The following ANAPC16 variants were observed in gnomAD, a reference collection of about 807,000 sequenced individuals.
ANAPC16 encodes anaphase promoting complex subunit 16.
A neutral mutation model predicts 13.1 loss-of-function variants in ANAPC16; 6 were observed. The ratio of observed to expected loss-of-function variants is 0.46; its 90% confidence interval spans 0.25 to 0.90. The LOEUF is 0.90. Among genes scored for constraint, ANAPC16 ranks in the 40% least tolerant of loss-of-function variants. The pLI, the probability that ANAPC16 is intolerant of heterozygous loss-of-function variation, is 0.18. For synonymous variants in ANAPC16, 55 were observed against 51.3 expected (o/e 1.07, Z -0.31); for missense variants, 113 against 131.1 (o/e 0.86, Z 0.67).
At chr10:72,232,492 C>T (rs1429612655) in intron 3 of ANAPC16, among the ~76,000 whole-genome samples, 3 of 149,778 alleles carry the variant, frequency 2.0e-5, no homozygotes, top group African/African-American at 7.4e-5. Flanking sequence ...TTCAGTGAGC[C>T]GAGATCGCGC....
intron 1 of ANAPC16, 194 bp from the exon 2 acceptor site, chr10:72,223,694 G>A (rs1279059809): frequency 1.2e-5 from 5 of 413,882 alleles, no homozygotes; most frequent in Non-Finnish European, 2.2e-5. Flanking sequence ...CTATTCTTAA[G>A]CATATTTTCA....
intron 1 of ANAPC16, chr10:72,217,100 C>T (rs1471879393): frequency 2.2e-6 from 1 of 453,528 alleles, no homozygotes; most frequent in South Asian, 1.6e-5. Context: ...GGAAACACTG[C>T]CCCAGGTTCT....
At chr10:72,223,615 A>G (rs1042404655) in intron 1 of ANAPC16, 15 of 237,546 alleles carry the variant, frequency 6.3e-5, no homozygotes, top group Non-Finnish European at 1.1e-4. Flanking sequence ...CTCATAAATC[A>G]CCCACAGTCA....
chr10:72,216,917 A>G (rs1035622591), intron 1 of ANAPC16: 3 of 456,172 alleles, frequency 6.6e-6, no homozygotes, highest in African/African-American at 4.0e-5. Flanking sequence ...GGTTGAAGAT[A>G]GAGTTGTGCG....
chr10:72,227,505 C>A (rs144886230), intron 2 of ANAPC16, among the ~76,000 whole-genome samples: 1 of 151,912 alleles, frequency 6.6e-6, no homozygotes, highest in East Asian at 1.9e-4. Context: ...AATCTAAAAT[C>A]TTAAGAATAT....
chr10:72,228,084 T>G (rs533474609), intron 2 of ANAPC16, among the ~76,000 whole-genome samples: 4 of 150,508 alleles, frequency 2.7e-5, no homozygotes, highest in South Asian at 2.1e-4. Flanking sequence ...CTGTCAAGAG[T>G]AAGGAACAAA....
intron 2 of ANAPC16, among the ~76,000 whole-genome samples, chr10:72,225,176 G>A (rs762812095): frequency 2.0e-5 from 3 of 152,030 alleles, no homozygotes; most frequent in Non-Finnish European, 2.9e-5. Context: ...CCAGCTAATC[G>A]GGAGGCTGAG....
At chr10:72,225,835 A>T (rs914966296) in intron 2 of ANAPC16, among the ~76,000 whole-genome samples, 5 of 150,248 alleles carry the variant, frequency 3.3e-5, no homozygotes, top group Non-Finnish European at 5.9e-5. Context: ...TGGGAGGCAG[A>T]GGTTGCGGTG....
intron 1 of ANAPC16, chr10:72,217,004 C>T (rs1299011770): frequency 2.2e-6 from 1 of 455,080 alleles, no homozygotes. Flanking sequence ...CTATCTCCTG[C>T]ATGACCTTTG....
At chr10:72,218,164 AAATATATATATATATATATATATATAT>A (rs1264138223) in intron 1 of ANAPC16, among the ~76,000 whole-genome samples, 1 of 22,076 alleles carries the variant, frequency 4.5e-5, no homozygotes, top group Non-Finnish European at 8.0e-5. Context: ...AAAAAAAAAA[AAATATATATATATATATATATATATAT>A]ATATATATAT....
chr10:72,219,057 A>G (rs1306306299), intron 1 of ANAPC16, among the ~76,000 whole-genome samples: 1 of 152,240 alleles, frequency 6.6e-6, no homozygotes, highest in Non-Finnish European at 1.5e-5. Context: ...AGTATAAAGC[A>G]TTTGCAACTG....
rs751852740 is a variant in ANAPC16, at chr10:72,233,118, A to G, written c.*2A>G. Reference sequence around the variant, plus strand: ...GGATTCACCCCCTCTTCAGGTTGATACTGCCTGGATGGTCACCTCTGGTGC... The same window carrying G: ...GGATTCACCCCCTCTTCAGGTTGATGCTGCCTGGATGGTCACCTCTGGTGC... On this transcript the variant is annotated 3_prime_UTR_variant, in exon 4 of 4. Coordinates refer to ENST00000299381, the MANE Select transcript of ANAPC16 (RefSeq NM_173473.4). The G allele has an allele frequency of 1.9e-6, 3 of 1,613,278 alleles. No individual in the cohort carries two copies. The highest frequency in any genetic ancestry group is 2.5e-6 in the Non-Finnish European group (3 of 1,179,308).
chr10:72,230,302 T>C, intron 2 of ANAPC16, 64 bp from the exon 3 acceptor site: 2 of 1,266,778 alleles, frequency 1.6e-6, no homozygotes, highest in Non-Finnish European at 1.2e-6. Flanking sequence ...ACAAGTTTAC[T>C]TGGTTTATCA....
intron 1 of ANAPC16, chr10:72,223,082 ATTTTTTTTTTTTTTT>A (rs67344471): frequency 1.2e-5 from 1 of 86,412 alleles, no homozygotes; most frequent in Admixed American, 1.4e-4. Flanking sequence ...GAAAAGGTTA[ATTTTTTTTTTTTTTT>A]TTTTTTTTTT....
In ANAPC16 at chr10:72,234,044, T is replaced by C. The variant is rs938949044; in HGVS notation, c.*928T>C. On this transcript the variant is annotated 3_prime_UTR_variant, in exon 4 of 4. Coordinates refer to ENST00000299381, the MANE Select transcript of ANAPC16 (RefSeq NM_173473.4). ...TTTTTGAGACGAAGTTTTGCTCTTGTTGCCCAGGCTGTATCGCAATGGCGC... is the reference window on the plus strand; with the variant it reads ...TTTTTGAGACGAAGTTTTGCTCTTGCTGCCCAGGCTGTATCGCAATGGCGC... The C allele has an allele frequency of 5.9e-5, 9 of 152,056 alleles. No individual in the cohort carries two copies. The highest frequency in any genetic ancestry group is 1.3e-4 in the Admixed American group (2 of 15,246). 9.4% of individuals were successfully genotyped at this position (152,056 alleles called of 1,614,324 possible).
intron 1 of ANAPC16, among the ~76,000 whole-genome samples, chr10:72,221,547 C>CTTTT (rs910872494): frequency 1.2e-3 from 109 of 91,330 alleles, no homozygotes; most frequent in South Asian, 1.4e-3. Context: ...TTTTTCTTTT[C>CTTTT]TTTTTTTTTT....
intron 2 of ANAPC16, among the ~76,000 whole-genome samples, chr10:72,229,760 A>C (rs991696158): frequency 6.6e-6 from 1 of 152,186 alleles, no homozygotes; most frequent in South Asian, 2.1e-4. Flanking sequence ...CACCAGTACA[A>C]TTCTAGGTTC....
chr10:72,230,468 CTG>C (rs1202570768), intron 3 of ANAPC16, 28 bp downstream of exon 3: 2 of 1,597,920 alleles, frequency 1.3e-6, no homozygotes, highest in South Asian at 1.1e-5. Flanking sequence ...GCGTACTTGA[CTG>C]TGAGAATAAA....
At chr10:72,231,855 T>A (rs1054103205) in intron 3 of ANAPC16, among the ~76,000 whole-genome samples, 21 of 151,902 alleles carry the variant, frequency 1.4e-4, no homozygotes, top group African/African-American at 4.8e-4. Flanking sequence ...GCGCCCAGCC[T>A]TTCTTCTTTT....
Sources: gnomAD v4.1 joint callset for allele counts (sites outside exome capture counted in the v4.1 genomes callset) on GRCh38, gnomAD v4.1.1 for gene constraint, MANE v1.5 for transcripts, NCBI Gene and HGNC (gene_info 2026-07-23, HGNC 2026-07-21) for gene names.